The following BAZ1B variants were observed in gnomAD, a reference collection of about 807,000 sequenced individuals.
BAZ1B encodes bromodomain adjacent to zinc finger domain 1B.
In BAZ1B, 22 loss-of-function variants were observed where a neutral mutation model predicts 153.8. The observed-to-expected ratio is 0.14, with a 90% CI of 0.10 to 0.20. The LOEUF (loss-of-function observed/expected upper bound fraction) is 0.20. BAZ1B is among the 10% of genes least tolerant of loss of function. BAZ1B has a pLI of 1.00. For synonymous variants in BAZ1B, 676 were observed against 633.4 expected, an observed-to-expected ratio of 1.07 and a Z score of -1.01; for missense variants, 1,325 against 1,799.3, an observed-to-expected ratio of 0.74 and a Z score of 4.77.
chr7:73,502,275 C>G (rs192519890), intron 3 of BAZ1B, among the ~76,000 whole-genome samples: 12 of 152,102 alleles, frequency 7.9e-5, no homozygotes, highest in Non-Finnish European at 7.4e-5. Flanking sequence ...ATCTACATAG[C>G]CGGTCATCAA....
At chr7:73,443,189 A>C (rs1041510762) in intron 17 of BAZ1B, among the ~76,000 whole-genome samples, 2 of 152,198 alleles carry the variant, frequency 1.3e-5, no homozygotes, top group African/African-American at 4.8e-5. Context: ...ACACCATGGA[A>C]GGGCATCAAC....
At chr7:73,503,961 T>C (rs782739296) in intron 3 of BAZ1B, among the ~76,000 whole-genome samples, 3 of 152,132 alleles carry the variant, frequency 2.0e-5, no homozygotes, top group Non-Finnish European at 2.9e-5. Context: ...CTCACTACCA[T>C]AGTACTCTTC....
Position 73,442,649 on chromosome 7 carries a change from C to A in BAZ1B, c.4094+76G>T, listed in dbSNP as rs1216226362. ...TGAAAAGCAAGGGCTTGGCTGAGAGCCCCTCAGGGGCTCTGGAAGCTTTTA... is the reference window on the plus strand; with the variant it reads ...TGAAAAGCAAGGGCTTGGCTGAGAGACCCTCAGGGGCTCTGGAAGCTTTTA... On this transcript the variant is annotated intron_variant, in intron 18 of 19. Coordinates refer to ENST00000339594, the MANE Select transcript of BAZ1B (RefSeq NM_032408.4). 2.6e-6 allele frequency: 4 copies of A among 1,554,410 alleles called. No homozygotes were observed. The African/African-American group carries it at 5.5e-5, about 21-fold the overall frequency.
chr7:73,492,009 G>A (rs1484343255), intron 5 of BAZ1B, among the ~76,000 whole-genome samples: 2 of 26,368 alleles, frequency 7.6e-5, no homozygotes, highest in African/African-American at 3.5e-4. Context: ...TTTTTTTTTT[G>A]AGACGGAGTC....
At chr7:73,469,344 G>T (rs578221621) in intron 9 of BAZ1B, among the ~76,000 whole-genome samples, 173 bp downstream of exon 9, 1 of 152,114 alleles carries the variant, frequency 6.6e-6, no homozygotes, top group Admixed American at 6.5e-5. Context: ...AATCAAACGT[G>T]GGTTTCTCTC....
intron 3 of BAZ1B, among the ~76,000 whole-genome samples, chr7:73,499,095 G>C (rs1303664482): frequency 1.3e-5 from 2 of 151,604 alleles, no homozygotes; most frequent in Non-Finnish European, 2.9e-5. Flanking sequence ...GTATGATCTC[G>C]GCTCACTGCA....
intron 3 of BAZ1B, among the ~76,000 whole-genome samples, chr7:73,500,355 T>C (rs782189770): frequency 6.6e-6 from 1 of 151,318 alleles, no homozygotes; most frequent in African/African-American, 2.4e-5. Context: ...CTGGGTAACA[T>C]GGTGAAACCT....
At chr7:73,468,551 C>T (rs377322017) in intron 9 of BAZ1B, among the ~76,000 whole-genome samples, 1 of 152,188 alleles carries the variant, frequency 6.6e-6, no homozygotes, top group Admixed American at 6.5e-5. Context: ...AATACATACA[C>T]TTTAAGAAAG....
chr7:73,469,916 CG>C (rs1402084859), intron 8 of BAZ1B, among the ~76,000 whole-genome samples: 1 of 152,102 alleles, frequency 6.6e-6, no homozygotes, highest in Non-Finnish European at 1.5e-5. Flanking sequence ...CTATGTTGGC[CG>C]GGCTGGTCTT....
At chr7:73,484,217 GAC>G (rs1789308459) in intron 6 of BAZ1B, among the ~76,000 whole-genome samples, 1 of 152,038 alleles carries the variant, frequency 6.6e-6, no homozygotes, top group Non-Finnish European at 1.5e-5. Flanking sequence ...AGTGAGCAAA[GAC>G]TGCACCACTG....
intron 16 of BAZ1B, among the ~76,000 whole-genome samples, chr7:73,446,236 C>T (rs782020853): frequency 2.6e-5 from 4 of 152,162 alleles, no homozygotes; most frequent in Admixed American, 6.5e-5. Context: ...TGTACCACTG[C>T]TTCAAAAGCT....
intron 5 of BAZ1B, among the ~76,000 whole-genome samples, chr7:73,489,856 A>G (rs1209626871): frequency 6.6e-6 from 1 of 152,230 alleles, no homozygotes; most frequent in Non-Finnish European, 1.5e-5. Context: ...TCCTTAGGCA[A>G]TATGTCAATA....
In BAZ1B at chr7:73,442,502, G is replaced by A; in HGVS notation, c.4146C>T (p.His1382=). 1 of 1,614,152 alleles carries A rather than the reference G, an allele frequency of 6.2e-7. No individual in the cohort carries two copies. Among genetic ancestry groups the A allele is most frequent in the Non-Finnish European group, 8.5e-7 (1 of 1,180,034 alleles). The part of the protein sequence containing the change: ...EAEDYYDVIT[H]PMDFQTVQNK... ...TCTGCACTGTCTGAAAGTCCATGGG[G>A]TGCGTGATCACATCATAGTAGTCCT... Residue 1382 remains histidine, a synonymous_variant, in exon 19 of 20, where the codon CAC becomes CAT. Transcript: ENST00000339594.
At chr7:73,498,808 T>C (rs1245864389) in intron 3 of BAZ1B, 110 bp from the exon 4 acceptor site, 5 of 930,478 alleles carry the variant, frequency 5.4e-6, no homozygotes, top group Non-Finnish European at 8.1e-6. Context: ...AAAAGGTGAT[T>C]GAAACAGTAA....
At chr7:73,447,157 AG>A in intron 16 of BAZ1B, 106 bp downstream of exon 16, 1 of 1,590,368 alleles carries the variant, frequency 6.3e-7, no homozygotes, top group South Asian at 1.1e-5. Context: ...ACAAGAGAAA[AG>A]GAATAGGGCA....
At chr7:73,459,389 TAA>T (rs372881709) in intron 13 of BAZ1B, 145 bp downstream of exon 13, 1,291 of 635,244 alleles carry the variant, frequency 2.0e-3, no homozygotes, top group South Asian at 3.2e-3. Flanking sequence ...AGAAAGTGAT[TAA>T]AAAAAAAAAA....
intron 11 of BAZ1B, among the ~76,000 whole-genome samples, chr7:73,463,909 T>C (rs1788482846): frequency 6.6e-6 from 1 of 152,198 alleles, no homozygotes; most frequent in Non-Finnish European, 1.5e-5. Flanking sequence ...GATTTTGCCA[T>C]GTTGGCCAGG....
intron 1 of BAZ1B, among the ~76,000 whole-genome samples, chr7:73,514,125 T>C (rs1343118060): frequency 2.6e-5 from 4 of 152,182 alleles, no homozygotes; most frequent in Non-Finnish European, 5.9e-5. Flanking sequence ...GACGATCATG[T>C]TGGGGCTCAA....
intron 4 of BAZ1B, among the ~76,000 whole-genome samples, chr7:73,494,382 CA>C (rs1416858415): frequency 6.6e-6 from 1 of 151,944 alleles, no homozygotes; most frequent in Non-Finnish European, 1.5e-5. Context: ...GACTCTGTCT[CA>C]AAAAGAAGAC....
Sources: allele counts gnomAD v4.1 joint callset (sites outside exome capture counted in the v4.1 genomes callset), GRCh38; gene constraint gnomAD v4.1.1; transcripts MANE v1.5; gene names NCBI Gene and HGNC (gene_info 2026-07-23, HGNC 2026-07-21).